The following ADGRD1 variants were observed in gnomAD, a reference collection of about 807,000 sequenced individuals.
The protein encoded by ADGRD1 is adhesion G protein-coupled receptor D1.
Under a neutral mutation model 113.4 loss-of-function variants are expected in ADGRD1, and 77 were observed. That is an observed-to-expected ratio of 0.68 (90% CI 0.57 to 0.82). The LOEUF (loss-of-function observed/expected upper bound fraction) is 0.82. Among genes scored for constraint, ADGRD1 ranks in the 40% least tolerant of loss-of-function variants. The pLI, the probability that ADGRD1 is intolerant of heterozygous loss-of-function variation, is 0.00. For missense variants in ADGRD1, 1,036 were observed against 1,139.1 expected, an observed-to-expected ratio of 0.91 and a Z score of 1.30; for synonymous variants, 474 against 475.0, an observed-to-expected ratio of 1.00 and a Z score of 0.03.
intron 15 of ADGRD1, among the ~76,000 whole-genome samples, chr12:131,103,803 G>A (rs1950156198): frequency 6.6e-6 from 1 of 152,190 alleles, no homozygotes; most frequent in Non-Finnish European, 1.5e-5. Context: ...GCCGGACAGG[G>A]ACAGCATGAT....
intron 12 of ADGRD1, among the ~76,000 whole-genome samples, chr12:131,013,134 C>T (rs985869719): frequency 3.3e-5 from 5 of 152,248 alleles, no homozygotes; most frequent in African/African-American, 1.2e-4. Context: ...CTCCTCCTGG[C>T]CCTGAATATC....
intron 13 of ADGRD1, among the ~76,000 whole-genome samples, chr12:131,046,255 T>TC (rs1263374205): frequency 8.0e-6 from 1 of 125,748 alleles, no homozygotes; most frequent in African/African-American, 3.2e-5. Flanking sequence ...GTCAGTGTCC[T>TC]CCTGGTCAGT....
intron 13 of ADGRD1, among the ~76,000 whole-genome samples, chr12:131,015,500 A>G (rs1305498310): frequency 1.5e-5 from 2 of 130,534 alleles, no homozygotes; most frequent in Non-Finnish European, 3.2e-5. Flanking sequence ...TGGAGAGGGG[A>G]CTGGAGATGA....
chr12:131,042,936 G>C (rs1292586461), intron 13 of ADGRD1, among the ~76,000 whole-genome samples: 1 of 152,266 alleles, frequency 6.6e-6, no homozygotes, highest in Non-Finnish European at 1.5e-5. Context: ...CTGTCGGATT[G>C]TCCGCAGCTG....
Position 131,084,233 on chromosome 12 carries a change from C to G in ADGRD1, c.1548-307C>G, listed in dbSNP as rs1282832773. Among the ~76,000 whole-genome samples, 2 of 152,176 alleles carry G rather than the reference C, an allele frequency of 1.3e-5. No individual in the cohort carries two copies. The highest frequency in any genetic ancestry group is 3.9e-4 in the East Asian group (2 of 5,184). ...TGGGCCATGTGCGTTTCATTTTGTG[C>G]TGGGCTTGGTCCAGGTGCTTTTCAG... On this transcript the variant is annotated intron_variant, in intron 14 of 24. Transcript: ENST00000261654. The surrounding 1 kb of genome is among the most constrained non-coding windows in gnomAD (Gnocchi z 4.5).
intron 5 of ADGRD1, among the ~76,000 whole-genome samples, chr12:130,983,023 T>C (rs967537939): frequency 1.3e-5 from 2 of 152,200 alleles, no homozygotes; most frequent in Admixed American, 6.5e-5. Context: ...GGAGGCTGCA[T>C]GGCCCAGTTA....
Position 131,138,164 on chromosome 12 carries a change from A to G in ADGRD1, c.2464A>G (p.Lys822Glu). 1.2e-6 allele frequency: 2 copies of G among 1,613,630 alleles called. No homozygotes were observed. Reference sequence around the variant, plus strand: ...GAGAGCCGCCTTCAAGCACAAAACCAAGGTCTGGTCGCTCACGAGCAGCTC... The same window carrying G: ...GAGAGCCGCCTTCAAGCACAAAACCGAGGTCTGGTCGCTCACGAGCAGCTC... ...EVRAAFKHKT[K>E]VWSLTSSSAR... The change falls in exon 24 of 25, where the codon AAG (lysine) becomes GAG (glutamate). Residue 822 changes from lysine to glutamate, a missense_variant. Transcript: ENST00000261654.
chr12:131,071,186 A>C lies in ADGRD1; in HGVS notation c.1474-5615A>C, dbSNP rs1462526142. Reference sequence around the variant, plus strand: ...AAAGGAGGTAGAGCCATGTGCAAGGAGGGTGGGGCTAAGCGAAAGGAGGTG... The same window carrying C: ...AAAGGAGGTAGAGCCATGTGCAAGGCGGGTGGGGCTAAGCGAAAGGAGGTG... On this transcript the variant is annotated intron_variant, in intron 13 of 24. Coordinates refer to ENST00000261654, the MANE Select transcript of ADGRD1 (RefSeq NM_198827.5). Among the ~76,000 whole-genome samples, 3 of 141,452 alleles carry C rather than the reference A, an allele frequency of 2.1e-5. 1 individual carries two copies. The highest frequency in any genetic ancestry group is 1.5e-5 in the Non-Finnish European group (1 of 65,638). The allele number at this position is 141,452 out of a possible 152,430, so 92.8% of individuals were successfully genotyped here.
chr12:131,081,028 A>G (rs1199825778), intron 14 of ADGRD1, among the ~76,000 whole-genome samples: 1 of 152,214 alleles, frequency 6.6e-6, no homozygotes, highest in Non-Finnish European at 1.5e-5. Context: ...TCATTACATA[A>G]TGTCCCTCTT....
At chr12:131,000,920 G>A (rs1230450411) in intron 9 of ADGRD1, among the ~76,000 whole-genome samples, 1 of 152,134 alleles carries the variant, frequency 6.6e-6, no homozygotes, top group Non-Finnish European at 1.5e-5. Context: ...AGCTCATTTT[G>A]AGTAGACATG....
chr12:131,059,076 G>C (rs1418259507), intron 13 of ADGRD1, among the ~76,000 whole-genome samples: 3 of 152,042 alleles, frequency 2.0e-5, no homozygotes, highest in Non-Finnish European at 2.9e-5. Flanking sequence ...TGTTCTGATT[G>C]GGTAATTTAT....
At chr12:131,031,867 T>G (rs191714958) in intron 13 of ADGRD1, among the ~76,000 whole-genome samples, 1 of 152,198 alleles carries the variant, frequency 6.6e-6, no homozygotes, top group Admixed American at 6.5e-5. Flanking sequence ...TGTCATTGCC[T>G]CGTCCCCGCA....
chr12:131,098,829 C>T (rs564945696), intron 15 of ADGRD1, among the ~76,000 whole-genome samples: 5 of 152,354 alleles, frequency 3.3e-5, no homozygotes, highest in African/African-American at 7.2e-5. Context: ...ATGAGACTTC[C>T]GTGCATGGTG....
intron 12 of ADGRD1, among the ~76,000 whole-genome samples, chr12:131,006,689 G>T (rs1229225619): frequency 4.6e-5 from 7 of 151,886 alleles, no homozygotes; most frequent in Non-Finnish European, 1.0e-4. Flanking sequence ...CGGCGAGGCT[G>T]GGGAGGATGA....
chr12:131,118,233 G>T, intron 18 of ADGRD1, 152 bp from the exon 19 acceptor site: 1 of 606,972 alleles, frequency 1.6e-6, no homozygotes, highest in Non-Finnish European at 2.9e-6. Flanking sequence ...GATAGGGGCT[G>T]TTCTGTGTCC....
intron 11 of ADGRD1, 96 bp downstream of exon 11, chr12:131,004,392 G>GCTGCGGTGCTCCCACGGGCCGC: frequency 5.1e-6 from 4 of 790,718 alleles, no homozygotes; most frequent in Non-Finnish European, 8.4e-6. Flanking sequence ...GCGCCAGGGA[G>GCTGCGGTGCTCCCACGGGCCGC]CTGCGGTGCT....
chr12:131,081,465 G>A (rs757748593), intron 14 of ADGRD1, among the ~76,000 whole-genome samples: 1 of 152,008 alleles, frequency 6.6e-6, no homozygotes, highest in Non-Finnish European at 1.5e-5. Context: ...TTTTGATAGT[G>A]GTTGACCTAA....
At chr12:131,137,157 T>C in intron 23 of ADGRD1, 143 bp downstream of exon 23, 1 of 725,052 alleles carries the variant, frequency 1.4e-6, no homozygotes, top group Non-Finnish European at 2.5e-6. Context: ...GATGCCAAGT[T>C]GTGTGCCCTG....
intron 13 of ADGRD1, among the ~76,000 whole-genome samples, chr12:131,065,589 C>A (rs1884662504): frequency 6.6e-6 from 1 of 152,234 alleles, no homozygotes; most frequent in South Asian, 2.1e-4. Flanking sequence ...TTGTACGGAT[C>A]TCAGGCGAGA....
Sources: allele counts gnomAD v4.1 joint callset (sites outside exome capture counted in the v4.1 genomes callset), GRCh38; gene constraint gnomAD v4.1.1; non-coding constraint Gnocchi (gnomAD v3.1); transcripts MANE v1.5; gene names NCBI Gene and HGNC (gene_info 2026-07-23, HGNC 2026-07-21).